The following SYT13 variants were observed in gnomAD, a reference collection of about 807,000 sequenced individuals.
SYT13 encodes the protein synaptotagmin-13.
SYT13 carries 21 observed loss-of-function variants against 38.6 expected under a neutral mutation model. The observed-to-expected ratio is 0.54, with a 90% CI of 0.39 to 0.78. The LOEUF (loss-of-function observed/expected upper bound fraction) is 0.78. Among genes scored for constraint, SYT13 ranks in the 30% least tolerant of loss-of-function variants. The probability of loss-of-function intolerance (pLI) is 0.00; values close to 1 mark genes in which losing one functional copy is unlikely to be tolerated. For synonymous variants in SYT13, 241 were observed against 237.6 expected, an observed-to-expected ratio of 1.01 and a Z score of -0.13; for missense variants, 495 against 548.7, an observed-to-expected ratio of 0.90 and a Z score of 0.98.
chr11:45,267,580 C>T (rs1854900156), intron 1 of SYT13, among the ~76,000 whole-genome samples: 2 of 152,100 alleles, frequency 1.3e-5, no homozygotes, highest in African/African-American at 4.8e-5. Context: ...GTAGACACCC[C>T]CTCTCTCATG....
At chr11:45,279,012 A>C (rs1469878281) in intron 1 of SYT13, among the ~76,000 whole-genome samples, 1 of 152,252 alleles carries the variant, frequency 6.6e-6, no homozygotes, top group Non-Finnish European at 1.5e-5. Context: ...GCATTGGGAA[A>C]GGTTTCTGAA....
Position 45,286,147 on chromosome 11 carries a change from G to C in SYT13, c.61C>G (p.Leu21Val), listed in dbSNP as rs754365310. The C allele has an allele frequency of 1.9e-6, 3 of 1,592,892 alleles. No homozygotes were observed. Among genetic ancestry groups the C allele is most frequent in the Non-Finnish European group, 2.6e-6 (3 of 1,172,624 alleles). ...GATLGTATSILALCGVTCLCR... is the reference protein window; with the variant it reads ...GATLGTATSIVALCGVTCLCR... ...AGGCAGGTGACCCCGCACAACGCGA[G>C]GATGCTGGTGGCTGTGCCCAGCGTG... Residue 21 changes from leucine (L) to valine (V), a missense_variant, in exon 1 of 6, where the codon CTC becomes GTC. Transcript: ENST00000020926.
Position 45,279,644 on chromosome 11 carries a change from C to A in SYT13, c.183+6381G>T, listed in dbSNP as rs115000519. 2.5e-3 allele frequency among the ~76,000 whole-genome samples: 379 copies of A among 152,284 alleles called. 1 individual carries two copies. The highest frequency in any genetic ancestry group is 8.9e-3 in the African/African-American group (370 of 41,542). Reference sequence around the variant, plus strand: ...AACAGTGATTGGCACATATAAAGAACTTGATAAATGTTAGCTATTCTATCA... The same window carrying A: ...AACAGTGATTGGCACATATAAAGAAATTGATAAATGTTAGCTATTCTATCA... On this transcript the variant is annotated intron_variant, in intron 1 of 5. Transcript: ENST00000020926.
chr11:45,273,379 C>T (rs1854973564), intron 1 of SYT13, among the ~76,000 whole-genome samples: 1 of 151,832 alleles, frequency 6.6e-6, no homozygotes, highest in African/African-American at 2.4e-5. Flanking sequence ...CTCAGATCTC[C>T]TTTGGGCCAA....
intron 4 of SYT13, among the ~76,000 whole-genome samples, chr11:45,250,950 AC>A (rs1287314773): frequency 5.9e-5 from 9 of 151,730 alleles, no homozygotes; most frequent in African/African-American, 2.2e-4. Context: ...TGGCTGTGGG[AC>A]CCTGTGTGGA....
intron 1 of SYT13, among the ~76,000 whole-genome samples, chr11:45,280,936 T>A (rs1007280688): frequency 6.6e-6 from 1 of 152,276 alleles, no homozygotes; most frequent in African/African-American, 2.4e-5. Context: ...GGCTCACGCC[T>A]GTAATCCTAG....
Position 45,286,127 on chromosome 11 carries a change from G to T in SYT13, c.81C>A (p.Thr27=). Residue 27 remains threonine, a synonymous_variant, in exon 1 of 6, where the codon ACC becomes ACA. Transcript: ENST00000020926. ...TGGGGTGCATGTGCCGACACAGGCA[G>T]GTGACCCCGCACAACGCGAGGATGC... ...ATSILALCGV[T]CLCRHMHPKK... 6.3e-7 allele frequency: 1 copy of T among 1,599,744 alleles called. No homozygotes were observed. The highest frequency in any genetic ancestry group is 1.1e-5 in the South Asian group (1 of 88,346).
Position 45,244,110 on chromosome 11 carries a change from T to A in SYT13, c.1223A>T (p.Glu408Val), listed in dbSNP as rs1484351337. 6.2e-7 allele frequency: 1 copy of A among 1,612,214 alleles called. No individual in the cohort carries two copies. The highest frequency in any genetic ancestry group is 8.5e-7 in the Non-Finnish European group (1 of 1,179,624). Residue 408 changes from glutamate (E) to valine (V), a missense_variant, in exon 6 of 6, where the codon GAG becomes GTG. Glu to Val is a moderately radical substitution (Grantham distance 121). Transcript: ENST00000020926. ...CCGGCGAGGGTTTTTGAGCATCTCC[T>A]CCCAGTGGCTGCGCTCAGAGCCCGA... ...HTSGSERSHW[E>V]EMLKNPRRQI...
In SYT13 at chr11:45,255,841, C is replaced by A. The variant is rs747329697; in HGVS notation, c.234G>T (p.Lys78Asn). The A allele has an allele frequency of 1.4e-5, 22 of 1,614,062 alleles. No individual in the cohort carries two copies. In the East Asian group the frequency reaches 3.8e-4, roughly 28 times the overall value. Reference sequence around the variant, plus strand: ...GCCTGGGTCCATAGATGTCTGGGAACTTGAGGAGGGCACGGGGCTGAACAG... The same window carrying A: ...GCCTGGGTCCATAGATGTCTGGGAAATTGAGGAGGGCACGGGGCTGAACAG... The part of the protein sequence containing the change: ...TEPVQPRALL[K>N]FPDIYGPRPA... The change falls in exon 2 of 6, where the codon AAG (lysine) becomes AAT (asparagine). Residue 78 changes from lysine to asparagine, a missense_variant. By Grantham distance (94) the Lys-to-Asn change is moderately conservative. Transcript: ENST00000020926.
chr11:45,268,265 T>C (rs1015753961), intron 1 of SYT13, among the ~76,000 whole-genome samples: 2 of 152,144 alleles, frequency 1.3e-5, no homozygotes, highest in African/African-American at 2.4e-5. Flanking sequence ...GTCTGATCAC[T>C]GTCCTTATGG....
intron 1 of SYT13, among the ~76,000 whole-genome samples, chr11:45,276,003 C>G (rs1213550586): frequency 6.6e-6 from 1 of 152,120 alleles, no homozygotes; most frequent in African/African-American, 2.4e-5. Context: ...TACGGGTTGC[C>G]CATGTGGACT....
intron 4 of SYT13, among the ~76,000 whole-genome samples, chr11:45,247,109 G>C (rs552950524): frequency 6.6e-6 from 1 of 152,220 alleles, no homozygotes; most frequent in South Asian, 2.1e-4. Context: ...TGAAGGAGGT[G>C]CTGATGCCCC....
intron 4 of SYT13, among the ~76,000 whole-genome samples, chr11:45,250,449 A>G (rs1854659120): frequency 6.6e-6 from 1 of 152,196 alleles, no homozygotes; most frequent in Admixed American, 6.5e-5. Flanking sequence ...GAGGGCAGTG[A>G]GAGAAGCTGC....
rs1854537078 is a variant in SYT13, at chr11:45,240,429, A to T, written c.*3623T>A. On this transcript the variant is annotated 3_prime_UTR_variant, in exon 6 of 6. Transcript: ENST00000020926. Reference sequence around the variant, plus strand: ...CATGACTGCAAAACACACACTTAGCATTTGACAACAGGAAACACAGAGGGC... The same window carrying T: ...CATGACTGCAAAACACACACTTAGCTTTTGACAACAGGAAACACAGAGGGC... The T allele has an allele frequency of 6.5e-6, 1 of 152,780 alleles. No individual in the cohort carries two copies. Among genetic ancestry groups the T allele is most frequent in the Non-Finnish European group, 1.5e-5 (1 of 68,042 alleles). 9.5% of individuals were successfully genotyped at this position (152,780 alleles called of 1,614,324 possible).
chr11:45,276,283 G>A (rs1222555203), intron 1 of SYT13, among the ~76,000 whole-genome samples: 1 of 152,128 alleles, frequency 6.6e-6, no homozygotes. Flanking sequence ...TCCTTTGCAG[G>A]GATATGGATG....
At chr11:45,285,913 C>A in intron 1 of SYT13, 112 bp downstream of exon 1, 1 of 1,482,074 alleles carries the variant, frequency 6.7e-7, no homozygotes, top group African/African-American at 1.4e-5. Context: ...CCCCTCCCCG[C>A]CAAGCTTTGT....
intron 1 of SYT13, among the ~76,000 whole-genome samples, chr11:45,271,284 A>G (rs1854946150): frequency 6.6e-6 from 1 of 152,204 alleles, no homozygotes; most frequent in Non-Finnish European, 1.5e-5. Flanking sequence ...AAAATAGAAG[A>G]CAGTCTTAAA....
chr11:45,263,156 G>C (rs1345732921), intron 1 of SYT13, among the ~76,000 whole-genome samples: 2 of 152,202 alleles, frequency 1.3e-5, no homozygotes, highest in Non-Finnish European at 2.9e-5. Flanking sequence ...GATGGCACGG[G>C]GGGTGGAACC....
chr11:45,275,928 G>A (rs1044979398), intron 1 of SYT13, among the ~76,000 whole-genome samples: 8 of 152,148 alleles, frequency 5.3e-5, no homozygotes, highest in African/African-American at 1.9e-4. Context: ...GAAGAACAGG[G>A]CAGCCAGGAC....
Sources: allele counts gnomAD v4.1 joint callset (sites outside exome capture counted in the v4.1 genomes callset), GRCh38; gene constraint gnomAD v4.1.1; transcripts MANE v1.5; gene names NCBI Gene and HGNC (gene_info 2026-07-23, HGNC 2026-07-21).